Variants in ST3GAL1 observed in about 807,000 individuals in gnomAD.
The protein encoded by ST3GAL1 is CMP-N-acetylneuraminate-beta-galactosamide-alpha-2,3-sialyltransferase 1.
A neutral mutation model predicts 34.1 loss-of-function variants in ST3GAL1; 16 were observed. The ratio of observed to expected loss-of-function variants is 0.47; its 90% confidence interval spans 0.32 to 0.71. The LOEUF (loss-of-function observed/expected upper bound fraction) is 0.71, where lower values mean the gene tolerates loss of function less well. ST3GAL1 is among the 30% of genes least tolerant of loss of function. The pLI is 0.04. For missense variants in ST3GAL1, 353 were observed against 447.4 expected, an observed-to-expected ratio of 0.79 and a Z score of 1.90; for synonymous variants, 191 against 184.7, an observed-to-expected ratio of 1.03 and a Z score of -0.28.
chr8:133,498,783 G>A (rs1817053066), intron 3 of ST3GAL1, among the ~76,000 whole-genome samples: 1 of 152,204 alleles, frequency 6.6e-6, no homozygotes, highest in Non-Finnish European at 1.5e-5. Context: ...GGTCCCAGGG[G>A]TCTGGTTCCT....
intron 2 of ST3GAL1, among the ~76,000 whole-genome samples, chr8:133,538,162 T>C (rs1437755968): frequency 6.6e-6 from 1 of 152,198 alleles, no homozygotes; most frequent in Non-Finnish European, 1.5e-5. Flanking sequence ...GCAGAAACCA[T>C]GTTTTTGTTT....
chr8:133,469,843 A>AAC lies in ST3GAL1; in HGVS notation c.307-3755_307-3754dup, dbSNP rs1426436011. 6.6e-6 allele frequency among the ~76,000 whole-genome samples: 1 copy of AAC among 152,122 alleles called. No homozygotes were observed. The highest frequency in any genetic ancestry group is 1.5e-5 in the Non-Finnish European group (1 of 68,006). On this transcript the variant is annotated intron_variant, in intron 5 of 9. Transcript: ENST00000522652. The surrounding 1 kb of genome is among the most constrained non-coding windows in gnomAD (Gnocchi z 4.3). ...CTTTCTCTAGTGCCCTGCCTCACCT[A>AAC]ACATCACAAGCCCCACGCTTCAGAA...
intron 1 of ST3GAL1, among the ~76,000 whole-genome samples, chr8:133,550,879 T>G (rs980244741): frequency 2.6e-5 from 4 of 152,196 alleles, no homozygotes; most frequent in Non-Finnish European, 5.9e-5. Flanking sequence ...ATAACTCTCA[T>G]AAGAGAGTGT....
At chr8:133,475,044 G>A (rs1421184090) in intron 5 of ST3GAL1, among the ~76,000 whole-genome samples, 1 of 152,224 alleles carries the variant, frequency 6.6e-6, no homozygotes, top group African/African-American at 2.4e-5. Flanking sequence ...TTTGGAAAAA[G>A]CGCCTCTGTG....
At chr8:133,552,486 G>A (rs1818891213) in intron 1 of ST3GAL1, among the ~76,000 whole-genome samples, 1 of 152,238 alleles carries the variant, frequency 6.6e-6, no homozygotes, top group Non-Finnish European at 1.5e-5. Context: ...AATTCTGGGT[G>A]TGTGAACCAG....
At chr8:133,470,311 C>G (rs1586590487) in intron 5 of ST3GAL1, among the ~76,000 whole-genome samples, 1 of 151,974 alleles carries the variant, frequency 6.6e-6, no homozygotes, top group Non-Finnish European at 1.5e-5. Context: ...CCCAGCTACT[C>G]AGGAGGCTGA....
intron 3 of ST3GAL1, among the ~76,000 whole-genome samples, chr8:133,480,585 T>C (rs1445733436): frequency 6.6e-6 from 1 of 152,170 alleles, no homozygotes; most frequent in African/African-American, 2.4e-5. Context: ...ACTTTCCTCA[T>C]GTGATCCCCA....
intron 2 of ST3GAL1, among the ~76,000 whole-genome samples, chr8:133,501,754 C>CAAAA (rs1300184900): frequency 1.3e-5 from 2 of 151,636 alleles, no homozygotes; most frequent in Non-Finnish European, 1.5e-5. Context: ...CGTCTCAAAA[C>CAAAA]AAACAAACAA....
In ST3GAL1 at chr8:133,559,060, T is replaced by C. The variant is rs541618658; in HGVS notation, c.-582+12633A>G. Among the ~76,000 whole-genome samples, 7 of 151,182 alleles carry C rather than the reference T, an allele frequency of 4.6e-5. No individual in the cohort carries two copies. The East Asian group carries it at 1.4e-3, about 29-fold the overall frequency. On this transcript the variant is annotated intron_variant, in intron 1 of 9. Coordinates refer to ENST00000522652, the MANE Select transcript of ST3GAL1 (RefSeq NM_173344.3). ...TTGTGTGTGTGTGTGTGTGTGTGTG[T>C]GCATGTGTGCACGTCCTAAGCCACT...
At chr8:133,562,571 T>A (rs556567603) in intron 1 of ST3GAL1, among the ~76,000 whole-genome samples, 1 of 152,238 alleles carries the variant, frequency 6.6e-6, no homozygotes, top group East Asian at 1.9e-4. Flanking sequence ...GAGGGCCAAC[T>A]CGGGTCAGGG....
Position 133,475,636 on chromosome 8 carries a change from A to C in ST3GAL1, c.306+83T>G, listed in dbSNP as rs550895415. 953 of 1,423,942 alleles carry C rather than the reference A, an allele frequency of 6.7e-4. 2 individuals are homozygous for C. Among genetic ancestry groups the C allele is most frequent in the Non-Finnish European group, 8.4e-4 (909 of 1,081,504 alleles). The allele number at this position is 1,423,942 out of a possible 1,614,324, so 88.2% of individuals were successfully genotyped here. On this transcript the variant is annotated intron_variant, in intron 5 of 9. Transcript: ENST00000522652. ...CAGCCCAGGCCTCCCACTCTTATCC[A>C]GATCCCCACTCTCAGCCCAGACCCC...
rs1819041989 is a variant in ST3GAL1, at chr8:133,556,773, C to G, written c.-581-10847G>C. On this transcript the variant is annotated intron_variant, in intron 1 of 9. Transcript: ENST00000522652. The surrounding 1 kb of genome is among the most constrained non-coding windows in gnomAD (Gnocchi z 8.9). Reference sequence around the variant, plus strand: ...TGGCAAATGTGACCCAGAATGCCACCACTAACAGTCCTATTTATAGCCCTT... The same window carrying G: ...TGGCAAATGTGACCCAGAATGCCACGACTAACAGTCCTATTTATAGCCCTT... Among the ~76,000 whole-genome samples the G allele has an allele frequency of 6.6e-6, 1 of 152,122 alleles. No individual in the cohort carries two copies. Among genetic ancestry groups the G allele is most frequent in the Admixed American group, 6.5e-5 (1 of 15,278 alleles).
Position 133,466,313 on chromosome 8 carries a change from G to T in ST3GAL1, c.307-223C>A, listed in dbSNP as rs2130925163. ...AGTAAAGAGAGCATTCATGTATTCT[G>T]CAAGTGTTTACTGAGCACCTACCAT... On this transcript the variant is annotated intron_variant, in intron 5 of 9. Coordinates refer to ENST00000522652, the MANE Select transcript of ST3GAL1 (RefSeq NM_173344.3). The surrounding 1 kb of genome is among the most constrained non-coding windows in gnomAD (Gnocchi z 4.4). Among the ~76,000 whole-genome samples the T allele has an allele frequency of 6.6e-6, 1 of 152,294 alleles. No homozygotes were observed. The highest frequency in any genetic ancestry group is 2.4e-5 in the African/African-American group (1 of 41,558).
At chr8:133,561,108 C>CTTTTTTTTT (rs765993286) in intron 1 of ST3GAL1, among the ~76,000 whole-genome samples, 1 of 106,226 alleles carries the variant, frequency 9.4e-6, no homozygotes, top group Admixed American at 9.8e-5. Flanking sequence ...CCAGAGCCAT[C>CTTTTTTTTT]TTTTTTTTTT....
intron 7 of ST3GAL1, among the ~76,000 whole-genome samples, chr8:133,464,231 G>A (rs917531159): frequency 6.6e-5 from 10 of 152,158 alleles, no homozygotes; most frequent in African/African-American, 9.7e-5. Flanking sequence ...GCTATTGTGA[G>A]GATTCATTGA....
chr8:133,505,052 A>C (rs754468163), intron 2 of ST3GAL1, among the ~76,000 whole-genome samples: 1 of 152,166 alleles, frequency 6.6e-6, no homozygotes, highest in Non-Finnish European at 1.5e-5. Flanking sequence ...GATGTAGTAC[A>C]TGTGAAACAT....
chr8:133,495,961 C>T (rs917537414), intron 3 of ST3GAL1, among the ~76,000 whole-genome samples: 3 of 152,160 alleles, frequency 2.0e-5, no homozygotes, highest in South Asian at 2.1e-4. Context: ...TTAGTAATCT[C>T]GGTATGTGCC....
chr8:133,457,047 G>T lies in ST3GAL1; in HGVS notation c.*2717C>A, dbSNP rs1349545636. 1 of 152,240 alleles carries T rather than the reference G, an allele frequency of 6.6e-6. No individual in the cohort carries two copies. The highest frequency in any genetic ancestry group is 2.1e-4 in the South Asian group (1 of 4,830). The allele number at this position is 152,240 out of a possible 1,614,324, so 9.4% of individuals were successfully genotyped here. ...GGAAATGTGCTCTACAGGAAAAGTG[G>T]TTTTTCTGATTAAACATCAGGAACT... On this transcript the variant is annotated 3_prime_UTR_variant, in exon 10 of 10. Coordinates refer to ENST00000522652, the MANE Select transcript of ST3GAL1 (RefSeq NM_173344.3).
At chr8:133,546,696 G>A (rs1334918307) in intron 1 of ST3GAL1, among the ~76,000 whole-genome samples, 2 of 152,062 alleles carry the variant, frequency 1.3e-5, no homozygotes, top group African/African-American at 4.8e-5. Context: ...AGATAGGAAA[G>A]GGTTTCTGAA....
Sources: allele counts gnomAD v4.1 joint callset (sites outside exome capture counted in the v4.1 genomes callset), GRCh38; gene constraint gnomAD v4.1.1; non-coding constraint Gnocchi (gnomAD v3.1); transcripts MANE v1.5; gene names NCBI Gene and HGNC (gene_info 2026-07-23, HGNC 2026-07-21).